KCNQ1: variants seen among roughly 807,000 people sequenced by gnomAD.
KCNQ1 encodes the protein potassium voltage-gated channel subfamily Q member 1, also known as potassium voltage-gated channel subfamily KQT member 1.
Under a neutral mutation model 72.4 loss-of-function variants are expected in KCNQ1, and 49 were observed. That is an observed-to-expected ratio of 0.68 (90% confidence interval 0.54 to 0.86). The LOEUF (loss-of-function observed/expected upper bound fraction) is 0.86. Ranked by LOEUF, KCNQ1 falls within the 40% of genes least tolerant of loss-of-function variation. The pLI, the probability that KCNQ1 is intolerant of heterozygous loss-of-function variation, is 0.00. For synonymous variants in KCNQ1, 450 were observed against 412.6 expected (o/e 1.09, Z -1.10); for missense variants, 790 against 945.1 (o/e 0.84, Z 2.15).
chr11:2,828,168 A>C lies in KCNQ1; in HGVS notation c.1795-19599A>C, dbSNP rs1194347704. Among the ~76,000 whole-genome samples, 1 of 152,208 alleles carries C rather than the reference A, an allele frequency of 6.6e-6. No homozygotes were observed. Among genetic ancestry groups the C allele is most frequent in the Non-Finnish European group, 1.5e-5 (1 of 68,038 alleles). ...CACCCATGGGAACATGGCTCCTGGG[A>C]GCTGGAGGACCTCAGCAGGCAGGGA... On this transcript the variant is annotated intron_variant, in intron 15 of 15. Coordinates refer to ENST00000155840, the MANE Select transcript of KCNQ1 (RefSeq NM_000218.3). The surrounding 1 kb of genome is among the most constrained non-coding windows in gnomAD (Gnocchi z 5.3).
intron 11 of KCNQ1, among the ~76,000 whole-genome samples, chr11:2,741,184 G>A (rs1846043144): frequency 6.6e-6 from 1 of 152,064 alleles, no homozygotes; most frequent in Non-Finnish European, 1.5e-5. Flanking sequence ...GAGTGTCTCA[G>A]GGTGGCCTCA....
At chr11:2,629,284 T>C in intron 10 of KCNQ1, 1 of 398,424 alleles carries the variant, frequency 2.5e-6, no homozygotes, top group South Asian at 1.3e-4. Flanking sequence ...TTTCATAGTT[T>C]TCAGTGTCTA....
intron 10 of KCNQ1, chr11:2,648,692 A>T: frequency 2.5e-6 from 1 of 398,548 alleles, no homozygotes; most frequent in East Asian, 3.6e-5. Context: ...GTGTCCTAAC[A>T]TATGGTATAT....
intron 1 of KCNQ1, chr11:2,521,345 C>T (rs1564805123): frequency 2.8e-6 from 1 of 352,922 alleles, no homozygotes. Flanking sequence ...TGCTCTGGGC[C>T]TTTGCGCTTC....
chr11:2,846,667 C>T (rs749893293), intron 15 of KCNQ1, among the ~76,000 whole-genome samples: 7 of 152,236 alleles, frequency 4.6e-5, no homozygotes, highest in African/African-American at 1.7e-4. Flanking sequence ...GCCGGCCTGC[C>T]GGCCAGGGCC....
chr11:2,445,630 A>G, intron 1 of KCNQ1, 146 bp downstream of exon 1: 1 of 950,002 alleles, frequency 1.1e-6, no homozygotes, highest in Non-Finnish European at 1.6e-6. Context: ...AGAAACACAA[A>G]CTCTGCACTC....
Position 2,618,762 on chromosome 11 carries a change from A to G in KCNQ1, c.1393+29908A>G, listed in dbSNP as rs190032445. On this transcript the variant is annotated intron_variant, in intron 10 of 15. Transcript: ENST00000155840. Reference sequence around the variant, plus strand: ...GATAGGGATTTTATTCAATCTGTATATTGATTTGGATATTATTGACATTTT... The same window carrying G: ...GATAGGGATTTTATTCAATCTGTATGTTGATTTGGATATTATTGACATTTT... 267 of 398,474 alleles carry G rather than the reference A, an allele frequency of 6.7e-4. No homozygotes were observed. Among genetic ancestry groups the G allele is most frequent in the African/African-American group, 4.4e-3 (215 of 48,756 alleles). 24.7% of individuals were successfully genotyped at this position (398,474 alleles called of 1,614,324 possible). A position where few individuals can be genotyped will look rare whatever the true frequency, so the allele number is the denominator to read the frequency against.
chr11:2,660,301 C>CATAG (rs1433768593), intron 10 of KCNQ1: 1 of 398,198 alleles, frequency 2.5e-6, no homozygotes, highest in African/African-American at 2.1e-5. Flanking sequence ...TACACACATA[C>CATAG]ATATGTATAC....
rs1026122882 is a variant in KCNQ1 at position 2,536,757 on chromosome 11, G to A, written c.477+8739G>A. ...GGTCGCGAGAGTCGACCTGGGCTGCGTGATGGGGGACCCCAGGCTGGGCGG... is the reference window on the plus strand; with the variant it reads ...GGTCGCGAGAGTCGACCTGGGCTGCATGATGGGGGACCCCAGGCTGGGCGG... On this transcript the variant is annotated intron_variant, in intron 2 of 15. Transcript: ENST00000155840. The surrounding 1 kb of genome is among the most constrained non-coding windows in gnomAD (Gnocchi z 7.4). 5.3e-5 allele frequency among the ~76,000 whole-genome samples: 8 copies of A among 152,274 alleles called. No homozygotes were observed. Among genetic ancestry groups the A allele is most frequent in the African/African-American group, 1.2e-4 (5 of 41,516 alleles).
chr11:2,805,141 C>G (rs1452727735), intron 15 of KCNQ1, among the ~76,000 whole-genome samples: 1 of 152,190 alleles, frequency 6.6e-6, no homozygotes, highest in African/African-American at 2.4e-5. Context: ...CTGAGCCAGA[C>G]GTGGAGATGA....
chr11:2,583,334 C>G, intron 6 of KCNQ1, 101 bp from the exon 7 acceptor site: 1 of 839,364 alleles, frequency 1.2e-6, no homozygotes, highest in Non-Finnish European at 2.1e-6. Flanking sequence ...GGGTCTCTTG[C>G]CGGCCTCTCC....
intron 15 of KCNQ1, among the ~76,000 whole-genome samples, chr11:2,791,606 G>C (rs981277324): frequency 1.3e-5 from 2 of 152,142 alleles, no homozygotes; most frequent in African/African-American, 4.8e-5. Context: ...AAGGAAGGAC[G>C]GGGCGAACCG....
intron 1 of KCNQ1, among the ~76,000 whole-genome samples, chr11:2,525,734 C>T (rs1183169498): frequency 6.6e-6 from 1 of 152,098 alleles, no homozygotes; most frequent in Non-Finnish European, 1.5e-5. Context: ...TGCTTTGGGT[C>T]GAATGTCCCA....
Position 2,481,063 on chromosome 11 carries a change from A to C in KCNQ1, c.386+35579A>C, listed in dbSNP as rs1309210335. Among the ~76,000 whole-genome samples the C allele has an allele frequency of 5.9e-5, 9 of 152,202 alleles. No individual in the cohort carries two copies. On this transcript the variant is annotated intron_variant, in intron 1 of 15. Coordinates refer to ENST00000155840, the MANE Select transcript of KCNQ1 (RefSeq NM_000218.3). The surrounding 1 kb of genome is among the most constrained non-coding windows in gnomAD (Gnocchi z 4.6). The stretch of plus-strand genomic sequence containing the variant: ...TCGAAAGTTAGAAGAGAATTACCAC[A>C]TCATGTTGGATTTCACTCATAGCCA...
chr11:2,840,662 C>G (rs1848189134), intron 15 of KCNQ1, among the ~76,000 whole-genome samples: 2 of 151,922 alleles, frequency 1.3e-5, no homozygotes, highest in South Asian at 4.1e-4. Context: ...TGTGGCAAAA[C>G]AAAAAAATAA....
chr11:2,839,525 G>A (rs1307342584), intron 15 of KCNQ1, among the ~76,000 whole-genome samples: 2 of 149,640 alleles, frequency 1.3e-5, no homozygotes, highest in South Asian at 2.1e-4. Flanking sequence ...CAGCAGACAC[G>A]GCACACATAG....
chr11:2,486,159 G>T lies in KCNQ1; in HGVS notation c.386+40675G>T, dbSNP rs1448588926. On this transcript the variant is annotated intron_variant, in intron 1 of 15. Coordinates refer to ENST00000155840, the MANE Select transcript of KCNQ1 (RefSeq NM_000218.3). This position sits in a 1 kb window ranked among gnomAD's most constrained non-coding sequence, Gnocchi z 5.0. ...AGCTACCACATCCTCACCAACACTT[G>T]TAATTTCTGGGGTTTTTTAATAGTA... Among the ~76,000 whole-genome samples the T allele has an allele frequency of 1.3e-5, 2 of 152,148 alleles. No homozygotes were observed. The highest frequency in any genetic ancestry group is 4.8e-5 in the African/African-American group (2 of 41,420).
intron 15 of KCNQ1, among the ~76,000 whole-genome samples, chr11:2,822,545 G>C (rs1477948980): frequency 6.6e-6 from 1 of 152,216 alleles, no homozygotes; most frequent in Non-Finnish European, 1.5e-5. Context: ...TATTAGCAGA[G>C]GTGTCCCAAG....
rs1237009733 is a variant in KCNQ1 at position 2,807,419 on chromosome 11, G to A, written c.1794+29382G>A. 3.9e-5 allele frequency among the ~76,000 whole-genome samples: 6 copies of A among 152,308 alleles called. No homozygotes were observed. In the East Asian group the frequency reaches 9.6e-4, roughly 24 times the overall value. ...CCTCCATGGAGAGCGGGACTGTGCC[G>A]CCCGCGGTCGCTGCACTGGGCCTCC... On this transcript the variant is annotated intron_variant, in intron 15 of 15. Coordinates refer to ENST00000155840, the MANE Select transcript of KCNQ1 (RefSeq NM_000218.3).
Sources: allele counts gnomAD v4.1 joint callset (sites outside exome capture counted in the v4.1 genomes callset), GRCh38; gene constraint gnomAD v4.1.1; non-coding constraint Gnocchi (gnomAD v3.1); transcripts MANE v1.5; gene names NCBI Gene and HGNC (gene_info 2026-07-23, HGNC 2026-07-21).